The following ZNF532 variants were observed in gnomAD, a reference collection of about 807,000 sequenced individuals.
The protein encoded by ZNF532 is zinc finger protein 532.
In ZNF532, 22 loss-of-function variants were observed where a neutral mutation model predicts 89.3. That is an observed-to-expected ratio of 0.25 (90% CI 0.18 to 0.35). The LOEUF is 0.35. ZNF532 is among the 10% of genes least tolerant of loss of function. The pLI is 1.00. For synonymous variants in ZNF532, 606 were observed against 649.6 expected (o/e 0.93, Z 1.02); for missense variants, 1,132 against 1,643.4 (o/e 0.69, Z 5.38).
In ZNF532 at chr18:58,920,598, A is replaced by G. The variant is rs758273724; in HGVS notation, c.2311A>G (p.Thr771Ala). ...EVFQDETSLA[T>A]HFQQAADTSG... ...CTTCCAGGACGAGACATCACTGGCT[A>G]CACATTTCCAGCAGGCTGCAGATAC... is the stretch of plus-strand genomic sequence containing the variant. The change falls in exon 3 of 10, where the codon ACA becomes GCA. Residue 771 changes from threonine to alanine, a missense_variant. This residue lies in a region of ZNF532 where 100 missense variants were observed against 122.0 expected (regional missense o/e 0.82). Transcript: ENST00000591808. 8.8e-6 allele frequency: 14 copies of G among 1,598,520 alleles called. No homozygotes were observed. The highest frequency in any genetic ancestry group is 1.2e-5 in the Non-Finnish European group (14 of 1,169,972).
chr18:58,975,997 TCATAAAAG>T (rs1486451720), intron 7 of ZNF532, among the ~76,000 whole-genome samples: 2 of 152,148 alleles, frequency 1.3e-5, no homozygotes, highest in African/African-American at 4.8e-5. Context: ...TTTTTTAAAC[TCATAAAAG>T]CAGAAGGAGC....
At chr18:58,982,319 A>G (rs1179419192) in intron 9 of ZNF532, among the ~76,000 whole-genome samples, 1 of 151,904 alleles carries the variant, frequency 6.6e-6, no homozygotes, top group East Asian at 1.9e-4. Flanking sequence ...TTTGAGAGAA[A>G]AGTTTAAAGA....
At position 58,963,647 on chromosome 18, in the gene ZNF532, A is replaced by G. The variant is rs112081384; in HGVS notation, c.3150+9848A>G. ...TGTGTGTGTGTGTGTGTGTGTGTGT[A>G]TGTATATAAATTTTTAAAGTGCCCA... On this transcript the variant is annotated intron_variant, in intron 7 of 9. Coordinates refer to ENST00000591808, the MANE Select transcript of ZNF532 (RefSeq NM_001375912.1). 4.1e-4 allele frequency among the ~76,000 whole-genome samples: 50 copies of G among 120,778 alleles called. 1 individual carries two copies. The highest frequency in any genetic ancestry group is 3.6e-4 in the Non-Finnish European group (21 of 57,756). The allele number at this position is 120,778 out of a possible 152,430, so 79.2% of individuals were successfully genotyped here. A position where few individuals can be genotyped will look rare whatever the true frequency, so the allele number is the denominator to read the frequency against.
At chr18:58,936,786 A>C (rs2062510317) in intron 4 of ZNF532, among the ~76,000 whole-genome samples, 1 of 152,218 alleles carries the variant, frequency 6.6e-6, no homozygotes, top group South Asian at 2.1e-4. Context: ...CTGCTGCTTC[A>C]TATGAGGGTC....
In ZNF532 at chr18:58,984,582, T is replaced by C; in HGVS notation, c.*116T>C. On this transcript the variant is annotated 3_prime_UTR_variant, in exon 10 of 10. Coordinates refer to ENST00000591808, the MANE Select transcript of ZNF532 (RefSeq NM_001375912.1). ...TACTGTCTAGGCTGTTGCAATATATTCTCTTTCAATGTACCTTCCTTCACC... is the reference window on the plus strand; with the variant it reads ...TACTGTCTAGGCTGTTGCAATATATCCTCTTTCAATGTACCTTCCTTCACC... The C allele has an allele frequency of 7.9e-7, 1 of 1,273,526 alleles. No individual in the cohort carries two copies. Among genetic ancestry groups the C allele is most frequent in the Non-Finnish European group, 1.1e-6 (1 of 938,266 alleles). 78.9% of individuals were successfully genotyped at this position (1,273,526 alleles called of 1,614,324 possible).
chr18:58,878,722 T>C (rs997288845), intron 2 of ZNF532, among the ~76,000 whole-genome samples: 2 of 152,200 alleles, frequency 1.3e-5, no homozygotes, highest in South Asian at 2.1e-4. Context: ...TGTTTAGAGT[T>C]TGCATGATTT....
chr18:58,907,651 G>C (rs753734809), intron 2 of ZNF532, among the ~76,000 whole-genome samples: 4 of 152,100 alleles, frequency 2.6e-5, no homozygotes, highest in Non-Finnish European at 4.4e-5. Context: ...AGATCAGGAG[G>C]GTTCAGGAGA....
rs139878452 is a variant in ZNF532, at chr18:58,919,210, C to A, written c.923C>A (p.Pro308Gln). The change falls in exon 3 of 10, where the codon CCG becomes CAG. Residue 308 changes from proline to glutamine, a missense_variant. Physicochemically the swap from Pro to Gln is moderately conservative, Grantham distance 76. This residue lies in a region of ZNF532 where 124 missense variants were observed against 191.6 expected (regional missense o/e 0.65). Transcript: ENST00000591808. This position sits in a 1 kb window ranked among gnomAD's most constrained non-coding sequence, Gnocchi z 6.1. ...TTACCAAAAGAAGTAAATGACAGTC[C>A]GAGAGCCGCTGACAAGTCTCCTGAA... ...SPLPKEVNDS[P>Q]RAADKSPESQ... 1.9e-6 allele frequency: 3 copies of A among 1,613,934 alleles called. No homozygotes were observed. Among genetic ancestry groups the A allele is most frequent in the Non-Finnish European group, 2.5e-6 (3 of 1,179,968 alleles).
At chr18:58,941,985 TCC>T (rs1568380021) in intron 5 of ZNF532, among the ~76,000 whole-genome samples, 1 of 113,998 alleles carries the variant, frequency 8.8e-6, no homozygotes, top group African/African-American at 3.1e-5. Context: ...CCTCCTTCCC[TCC>T]TTCCCTTCCT....
Position 58,953,799 on chromosome 18 carries a change from G to C in ZNF532, c.3150G>C (p.Lys1050Asn). ...CCCACGTGAGGAAGGAGCACGGGAA[G>C]GTCAGTAAAGAATGAAAGCTGCTCT... ...YISHVRKEHG[K>N]QMKKHPCRQC... The change falls in exon 7 of 10, where the codon AAG becomes AAC. Residue 1050 changes from lysine to asparagine, a missense_variant and splice_region_variant. Physicochemically the swap from Lys to Asn is moderately conservative, Grantham distance 94. Around this residue, in one of 9 missense-constraint regions of ZNF532, gnomAD observed 415 missense variants for 604.8 expected, o/e 0.69. Coordinates refer to ENST00000591808, the MANE Select transcript of ZNF532 (RefSeq NM_001375912.1). 1 of 1,610,268 alleles carries C rather than the reference G, an allele frequency of 6.2e-7. No homozygotes were observed. Among genetic ancestry groups the C allele is most frequent in the Non-Finnish European group, 8.5e-7 (1 of 1,177,336 alleles).
chr18:58,914,744 G>A (rs1450913522), intron 2 of ZNF532, among the ~76,000 whole-genome samples: 3 of 152,152 alleles, frequency 2.0e-5, no homozygotes, highest in Non-Finnish European at 2.9e-5. Flanking sequence ...ATTTTATAGG[G>A]CATAAGTGAA....
intron 6 of ZNF532, among the ~76,000 whole-genome samples, chr18:58,951,566 T>C (rs1457689048): frequency 6.6e-6 from 1 of 151,656 alleles, no homozygotes; most frequent in East Asian, 1.9e-4. Flanking sequence ...AGTTTTTGGC[T>C]ATCAAGAAAT....
At chr18:58,878,112 A>G (rs936156606) in intron 2 of ZNF532, among the ~76,000 whole-genome samples, 1 of 151,970 alleles carries the variant, frequency 6.6e-6, no homozygotes, top group Non-Finnish European at 1.5e-5. Flanking sequence ...AAAAGTAGCT[A>G]GGTGTGGTGG....
rs552008904 is a variant in ZNF532, at chr18:58,973,716, A to G, written c.3151-5339A>G. Among the ~76,000 whole-genome samples the G allele has an allele frequency of 2.0e-4, 31 of 152,346 alleles. 1 individual carries two copies. In the South Asian group the frequency reaches 5.8e-3, roughly 29 times the overall value. On this transcript the variant is annotated intron_variant, in intron 7 of 9. Coordinates refer to ENST00000591808, the MANE Select transcript of ZNF532 (RefSeq NM_001375912.1). ...TGTTTATAGTGGCTTTATTCATAAT[A>G]TCAAAAACTAGAAAATCCCTAAATG...
chr18:58,891,925 C>T (rs886093968), intron 2 of ZNF532, among the ~76,000 whole-genome samples: 1 of 152,110 alleles, frequency 6.6e-6, no homozygotes, highest in African/African-American at 2.4e-5. Context: ...TCCTTCAGGC[C>T]AAGATCCTTT....
intron 3 of ZNF532, among the ~76,000 whole-genome samples, chr18:58,926,667 A>G (rs1319204057): frequency 6.6e-6 from 1 of 152,176 alleles, no homozygotes; most frequent in Non-Finnish European, 1.5e-5. Flanking sequence ...TCATCATATA[A>G]GTCCTGTGCA....
At chr18:58,978,943 G>C (rs1603347238) in intron 7 of ZNF532, 112 bp from the exon 8 acceptor site, 1 of 799,882 alleles carries the variant, frequency 1.3e-6, no homozygotes, top group East Asian at 2.5e-5. Context: ...CCTCAGTTTT[G>C]GATTTGGGGA....
rs971836321 is a variant in ZNF532 at position 58,948,513 on chromosome 18, GT to G, written c.2868+292del. On this transcript the variant is annotated intron_variant, in intron 6 of 9. Transcript: ENST00000591808. The stretch of plus-strand genomic sequence containing the variant: ...AAAAGTACTAAGTTTTTTGTTTTTT[GT>G]TTTTTTTAATATGTGAAAATGATGA... 2.1e-5 allele frequency among the ~76,000 whole-genome samples: 3 copies of G among 143,426 alleles called. No individual in the cohort carries two copies. The East Asian group carries it at 6.2e-4, about 29-fold the overall frequency. The allele number at this position is 143,426 out of a possible 152,430, so 94.1% of individuals were successfully genotyped here. A position where few individuals can be genotyped will look rare whatever the true frequency, so the allele number is the denominator to read the frequency against.
Position 58,981,488 on chromosome 18 carries a change from A to T in ZNF532, c.3282A>T (p.Arg1094Ser), listed in dbSNP as rs759007999. The part of the protein sequence containing the change: ...VYACSHCPDS[R>S]RTFTKRLMLE... ...CCCACAGGCACTGCCCAGACTCCAG[A>T]CGTACCTTTACCAAACGTTTGATGC... Residue 1094 changes from arginine (R) to serine (S), a missense_variant, in exon 9 of 10, where the codon AGA becomes AGT. Coordinates refer to ENST00000591808, the MANE Select transcript of ZNF532 (RefSeq NM_001375912.1). The T allele has an allele frequency of 3.7e-6, 6 of 1,613,086 alleles. No homozygotes were observed. The South Asian group carries it at 5.5e-5, about 15-fold the overall frequency.
Sources: gnomAD v4.1 joint callset for allele counts (sites outside exome capture counted in the v4.1 genomes callset) on GRCh38, gnomAD v4.1.1 for gene constraint, gnomAD v4.1.1 regional missense constraint, Gnocchi (gnomAD v3.1) non-coding constraint, MANE v1.5 for transcripts, NCBI Gene and HGNC (gene_info 2026-07-23, HGNC 2026-07-21) for gene names.